GNG12: variants seen among roughly 807,000 people sequenced by gnomAD.
GNG12 encodes the protein G protein subunit gamma 12, also known as guanine nucleotide-binding protein G(I)/G(S)/G(O) subunit gamma-12.
For synonymous variants in GNG12, 28 were observed against 29.7 expected, an observed-to-expected ratio of 0.94 and a Z score of 0.19; for missense variants, 69 against 83.8, an observed-to-expected ratio of 0.82 and a Z score of 0.69.
At chr1:67,752,136 G>T (rs866513793) in intron 2 of GNG12, among the ~76,000 whole-genome samples, 1 of 152,194 alleles carries the variant, frequency 6.6e-6, no homozygotes, top group African/African-American at 2.4e-5. Context: ...CCATATGCTT[G>T]TTAGCAGGCC....
chr1:67,812,118 C>T (rs1411899468), intron 1 of GNG12, among the ~76,000 whole-genome samples: 3 of 152,178 alleles, frequency 2.0e-5, no homozygotes, highest in Admixed American at 6.5e-5. Flanking sequence ...CTAGCACCCA[C>T]TGATCAAATC....
chr1:67,729,111 G>A (rs1646404259), intron 2 of GNG12, among the ~76,000 whole-genome samples: 1 of 152,010 alleles, frequency 6.6e-6, no homozygotes, highest in African/African-American at 2.4e-5. Context: ...TCTGACAGGT[G>A]CTGCCCCATG....
intron 1 of GNG12, among the ~76,000 whole-genome samples, chr1:67,815,281 T>C (rs1283343017): frequency 5.3e-5 from 8 of 152,222 alleles, no homozygotes; most frequent in Admixed American, 5.2e-4. Context: ...AAATAAGAAA[T>C]GCTGCTGGAT....
chr1:67,810,721 A>G (rs1474870461), intron 1 of GNG12, among the ~76,000 whole-genome samples: 2 of 152,190 alleles, frequency 1.3e-5, no homozygotes, highest in Non-Finnish European at 2.9e-5. Context: ...TGACAGGTCT[A>G]CAAGGAAGGT....
intron 2 of GNG12, among the ~76,000 whole-genome samples, chr1:67,724,008 T>C (rs1263493001): frequency 6.6e-6 from 1 of 152,192 alleles, no homozygotes; most frequent in Non-Finnish European, 1.5e-5. Flanking sequence ...AACACAGAAC[T>C]ATTAATTCAG....
At chr1:67,794,075 C>T (rs1187894096) in intron 1 of GNG12, among the ~76,000 whole-genome samples, 17 of 152,232 alleles carry the variant, frequency 1.1e-4, no homozygotes, top group Admixed American at 1.1e-3. Flanking sequence ...AATGGGGGCT[C>T]GCAAATCCTG....
rs1646240032 is a variant in GNG12, at chr1:67,705,274, G to A, written c.*177C>T. The A allele has an allele frequency of 2.3e-6, 2 of 885,406 alleles. No individual in the cohort carries two copies. Among genetic ancestry groups the A allele is most frequent in the Admixed American group, 3.1e-5 (1 of 31,880 alleles). The allele number at this position is 885,406 out of a possible 1,614,324, so 54.8% of individuals were successfully genotyped here. The stretch of plus-strand genomic sequence containing the variant: ...TGTTATTCTGTATTAAATCAGTAAA[G>A]GGTATTTTAAGAGAAAGGACAACTT... On this transcript the variant is annotated 3_prime_UTR_variant, in exon 4 of 4. Coordinates refer to ENST00000370982, the MANE Select transcript of GNG12 (RefSeq NM_018841.6).
At position 67,702,196 on chromosome 1, in the gene GNG12, T is replaced by C. The variant is rs1646219552; in HGVS notation, c.*3255A>G. ...TTTGATTTGATGTATTTTTTCCCCA[T>C]TAACAGGTCTACCATAAAAGAAAGC... On this transcript the variant is annotated 3_prime_UTR_variant, in exon 4 of 4. Coordinates refer to ENST00000370982, the MANE Select transcript of GNG12 (RefSeq NM_018841.6). The C allele has an allele frequency of 6.6e-6, 1 of 152,222 alleles. No individual in the cohort carries two copies. Among genetic ancestry groups the C allele is most frequent in the Admixed American group, 6.5e-5 (1 of 15,286 alleles). 9.4% of individuals were successfully genotyped at this position (152,222 alleles called of 1,614,324 possible). A position where few individuals can be genotyped will look rare whatever the true frequency, so the allele number is the denominator to read the frequency against.
At chr1:67,820,181 GA>G (rs977296324) in intron 1 of GNG12, among the ~76,000 whole-genome samples, 3 of 152,020 alleles carry the variant, frequency 2.0e-5, no homozygotes, top group African/African-American at 7.3e-5. Context: ...CTGAGGTCAG[GA>G]GTTCAAGACC....
rs1259070640 is a variant in GNG12 at position 67,707,611 on chromosome 1, A to T, written c.76T>A (p.Ser26Thr). ...RTVQQLRLEASIERIKVSKAS... is the reference protein window; with the variant it reads ...RTVQQLRLEATIERIKVSKAS... ...CTTCTTACCTTTATTCTTTCAATGG[A>T]GGCTTCTAATCTTAACTGCTGCACA... Residue 26 changes from serine (S) to threonine (T), a missense_variant, in exon 3 of 4, where the codon TCC becomes ACC. Ser to Thr is a moderately conservative substitution (Grantham distance 58, BLOSUM62 1). Coordinates refer to ENST00000370982, the MANE Select transcript of GNG12 (RefSeq NM_018841.6). 21 of 1,586,470 alleles carry T rather than the reference A, an allele frequency of 1.3e-5. No individual in the cohort carries two copies. The highest frequency in any genetic ancestry group is 1.7e-5 in the Non-Finnish European group (20 of 1,158,688).
intron 1 of GNG12, among the ~76,000 whole-genome samples, chr1:67,815,202 G>C (rs939582760): frequency 3.3e-5 from 5 of 152,124 alleles, no homozygotes; most frequent in Non-Finnish European, 5.9e-5. Context: ...GCCACAAATC[G>C]TTTCTATGAA....
At chr1:67,785,572 C>T (rs1438999899) in intron 1 of GNG12, among the ~76,000 whole-genome samples, 15 of 152,092 alleles carry the variant, frequency 9.9e-5, no homozygotes, top group Admixed American at 9.8e-4. Context: ...TCTTTCTCTG[C>T]ATGGAGGAGC....
intron 3 of GNG12, among the ~76,000 whole-genome samples, chr1:67,707,239 A>G (rs1236635224): frequency 6.6e-6 from 1 of 152,188 alleles, no homozygotes; most frequent in East Asian, 1.9e-4. Flanking sequence ...ATAATTCTAG[A>G]ACACTTAAAT....
At chr1:67,706,808 C>A (rs1190647391) in intron 3 of GNG12, among the ~76,000 whole-genome samples, 1 of 151,874 alleles carries the variant, frequency 6.6e-6, no homozygotes, top group Non-Finnish European at 1.5e-5. Flanking sequence ...GGCGTGCGCA[C>A]GCCACCGTGC....
rs17130214 is a variant in GNG12, at chr1:67,726,661, A to G, written c.-26-18949T>C. Reference sequence around the variant, plus strand: ...ATCTATTGAATGAAAAGGTTAAGTCAGAGAAACTAATTGTTTAGCTTTTTT... The same window carrying G: ...ATCTATTGAATGAAAAGGTTAAGTCGGAGAAACTAATTGTTTAGCTTTTTT... On this transcript the variant is annotated intron_variant, in intron 2 of 3. Coordinates refer to ENST00000370982, the MANE Select transcript of GNG12 (RefSeq NM_018841.6). 3.2e-3 allele frequency among the ~76,000 whole-genome samples: 490 copies of G among 152,394 alleles called. 3 individuals carry two copies. The highest frequency in any genetic ancestry group is 0.011 in the African/African-American group (463 of 41,600).
At chr1:67,733,020 C>T (rs1646429945) in intron 2 of GNG12, among the ~76,000 whole-genome samples, 1 of 152,214 alleles carries the variant, frequency 6.6e-6, no homozygotes, top group Admixed American at 6.5e-5. Flanking sequence ...AAAGGAAAAG[C>T]AAAACTTAGC....
intron 2 of GNG12, among the ~76,000 whole-genome samples, chr1:67,750,840 C>G (rs1183168161): frequency 6.6e-6 from 1 of 152,182 alleles, no homozygotes; most frequent in Non-Finnish European, 1.5e-5. Context: ...CTAGTTCTTT[C>G]AGTTACAGCA....
At chr1:67,788,039 A>G (rs149171074) in intron 1 of GNG12, among the ~76,000 whole-genome samples, 199 of 152,334 alleles carry the variant, frequency 1.3e-3, no homozygotes, top group African/African-American at 4.3e-3. Context: ...GAACTGGTGC[A>G]AAGTTACATG....
intron 1 of GNG12, among the ~76,000 whole-genome samples, chr1:67,817,101 C>T (rs1406449558): frequency 2.0e-5 from 3 of 152,106 alleles, no homozygotes; most frequent in Non-Finnish European, 4.4e-5. Flanking sequence ...TCAACGGGTA[C>T]AATATATTCC....
Sources: gnomAD v4.1 joint callset for allele counts (sites outside exome capture counted in the v4.1 genomes callset) on GRCh38, gnomAD v4.1.1 for gene constraint, MANE v1.5 for transcripts, NCBI Gene and HGNC (gene_info 2026-07-23, HGNC 2026-07-21) for gene names.